Variants in KSR2 observed in about 807,000 individuals in gnomAD.
KSR2 encodes kinase suppressor of ras 2.
A neutral mutation model predicts 107.8 loss-of-function variants in KSR2; 25 were observed. The ratio of observed to expected loss-of-function variants is 0.23; its 90% CI spans 0.17 to 0.32. The LOEUF is 0.32. KSR2 is among the 10% of genes least tolerant of loss of function. The pLI, the probability that KSR2 is intolerant of heterozygous loss-of-function variation, is 1.00. For missense variants in KSR2, 887 were observed against 1,268.9 expected, an observed-to-expected ratio of 0.70 and a Z score of 4.57; for synonymous variants, 480 against 507.0, an observed-to-expected ratio of 0.95 and a Z score of 0.71.
chr12:117,908,669 CCAA>C (rs1894925157), intron 1 of KSR2, among the ~76,000 whole-genome samples: 1 of 152,138 alleles, frequency 6.6e-6, no homozygotes, highest in African/African-American at 2.4e-5. Flanking sequence ...AAGAAACACG[CCAA>C]CATTCTAACA....
intron 5 of KSR2, among the ~76,000 whole-genome samples, chr12:117,624,265 A>G (rs1882348151): frequency 6.6e-6 from 1 of 152,148 alleles, no homozygotes; most frequent in Admixed American, 6.5e-5. Flanking sequence ...TTTTGTTGCC[A>G]TTGCTTTTGG....
intron 14 of KSR2, among the ~76,000 whole-genome samples, chr12:117,506,859 A>G (rs976059577): frequency 1.3e-4 from 19 of 151,854 alleles, no homozygotes; most frequent in Non-Finnish European, 2.2e-4. Flanking sequence ...GTGTGTGTGT[A>G]TATATATGTA....
chr12:117,527,009 C>A, intron 13 of KSR2, 62 bp downstream of exon 13: 1 of 1,431,774 alleles, frequency 7.0e-7, no homozygotes. Context: ...AAACGTCAGT[C>A]GGCTTTGCCA....
chr12:117,799,143 T>C (rs887133262), intron 3 of KSR2, among the ~76,000 whole-genome samples: 3 of 152,158 alleles, frequency 2.0e-5, no homozygotes, highest in African/African-American at 7.2e-5. Context: ...GTATTGGAAA[T>C]AGATAGTGGT....
intron 1 of KSR2, among the ~76,000 whole-genome samples, chr12:117,891,600 T>C (rs1007234976): frequency 2.6e-5 from 4 of 151,994 alleles, no homozygotes; most frequent in Admixed American, 6.6e-5. Context: ...TTTTAAAAAA[T>C]GAAATGTTTT....
intron 3 of KSR2, among the ~76,000 whole-genome samples, chr12:117,813,209 G>A (rs181575329): frequency 6.6e-6 from 1 of 152,226 alleles, no homozygotes; most frequent in East Asian, 1.9e-4. Flanking sequence ...AAAGGCTTCA[G>A]AACATTGGTC....
intron 14 of KSR2, among the ~76,000 whole-genome samples, chr12:117,500,055 G>A (rs971032367): frequency 3.9e-5 from 6 of 152,220 alleles, no homozygotes; most frequent in Non-Finnish European, 1.5e-5. Context: ...TAAGGAGATG[G>A]GGAGGGAGGT....
intron 3 of KSR2, among the ~76,000 whole-genome samples, chr12:117,822,758 G>A (rs535998536): frequency 1.3e-5 from 2 of 152,268 alleles, no homozygotes; most frequent in African/African-American, 4.8e-5. Flanking sequence ...GTACCATGCT[G>A]CATATTGCTA....
chr12:117,520,307 A>C (rs558376624), intron 14 of KSR2, among the ~76,000 whole-genome samples: 11 of 152,196 alleles, frequency 7.2e-5, no homozygotes, highest in Non-Finnish European at 1.6e-4. Flanking sequence ...GAAGCGAAGC[A>C]CTTGCTGAAA....
chr12:117,650,192 C>G (rs1413298956), intron 5 of KSR2, among the ~76,000 whole-genome samples: 1 of 152,140 alleles, frequency 6.6e-6, no homozygotes, highest in Non-Finnish European at 1.5e-5. Context: ...ATAAAGCAGG[C>G]AGAAAAATGT....
chr12:117,613,156 T>C (rs955065853), intron 5 of KSR2, among the ~76,000 whole-genome samples: 1 of 152,228 alleles, frequency 6.6e-6, no homozygotes, highest in Non-Finnish European at 1.5e-5. Flanking sequence ...CCAGAGTTGG[T>C]AACAGTATAG....
intron 1 of KSR2, among the ~76,000 whole-genome samples, chr12:117,954,874 G>A (rs1306286642): frequency 6.6e-6 from 1 of 151,968 alleles, no homozygotes; most frequent in African/African-American, 2.4e-5. Flanking sequence ...AAAGTTAGCT[G>A]GGCATGGTGG....
intron 5 of KSR2, among the ~76,000 whole-genome samples, chr12:117,626,827 T>A (rs988284492): frequency 6.6e-6 from 1 of 152,206 alleles, no homozygotes; most frequent in Non-Finnish European, 1.5e-5. Flanking sequence ...CCATTATTAT[T>A]GTGTGGGAAC....
intron 4 of KSR2, among the ~76,000 whole-genome samples, chr12:117,742,029 A>G (rs1888236722): frequency 6.6e-6 from 1 of 152,230 alleles, no homozygotes; most frequent in Non-Finnish European, 1.5e-5. Context: ...ATCACCAGTC[A>G]TGGGTCAGAT....
chr12:117,936,158 C>G (rs1449249766), intron 1 of KSR2, among the ~76,000 whole-genome samples: 1 of 152,008 alleles, frequency 6.6e-6, no homozygotes, highest in Non-Finnish European at 1.5e-5. Context: ...ACCTCAGCCT[C>G]CTGAGTAGTT....
chr12:117,666,508 A>G (rs1182462660), intron 5 of KSR2, among the ~76,000 whole-genome samples: 3 of 152,256 alleles, frequency 2.0e-5, no homozygotes, highest in African/African-American at 7.2e-5. Context: ...ACTTTGAGCA[A>G]GTTCTTTGAC....
At chr12:117,694,850 T>TAC (rs200732443) in intron 4 of KSR2, among the ~76,000 whole-genome samples, 4,643 of 143,302 alleles carry the variant, frequency 0.032, 249 homozygotes, top group African/African-American at 0.11. Flanking sequence ...TGATTCTTTT[T>TAC]TTTTTTTTTT....
chr12:117,511,240 C>A (rs768208949), intron 14 of KSR2, among the ~76,000 whole-genome samples: 10 of 152,244 alleles, frequency 6.6e-5, no homozygotes, highest in Non-Finnish European at 1.5e-4. Flanking sequence ...CAGGCACTGG[C>A]GGACACACAG....
At position 117,688,919 on chromosome 12, in the gene KSR2, C is replaced by G. The variant is rs547844181; in HGVS notation, c.987-21261G>C. Among the ~76,000 whole-genome samples, 213 of 152,304 alleles carry G rather than the reference C, an allele frequency of 1.4e-3. 3 individuals carry two copies. Among genetic ancestry groups the G allele is most frequent in the African/African-American group, 4.5e-3 (188 of 41,560 alleles). ...GATCTCCTTCTTTCCTTCCTTCTCT[C>G]CTGCCTCCTTTTTCCTTCCTTGCAA... On this transcript the variant is annotated intron_variant, in intron 4 of 19. Coordinates refer to ENST00000339824, the MANE Select transcript of KSR2 (RefSeq NM_173598.6).
Sources: gnomAD v4.1 joint callset for allele counts (sites outside exome capture counted in the v4.1 genomes callset) on GRCh38, gnomAD v4.1.1 for gene constraint, MANE v1.5 for transcripts, NCBI Gene and HGNC (gene_info 2026-07-23, HGNC 2026-07-21) for gene names.